The following SLC14A2 variants were observed in gnomAD, a reference collection of about 807,000 sequenced individuals.
SLC14A2 encodes urea transporter 2.
Under a neutral mutation model 104.6 loss-of-function variants are expected in SLC14A2, and 91 were observed. That is an observed-to-expected ratio of 0.87 (90% CI 0.73 to 1.04). SLC14A2 has a LOEUF of 1.04. Among genes scored for constraint, SLC14A2 ranks in the 50% least tolerant of loss-of-function variants. The pLI, the probability that SLC14A2 is intolerant of heterozygous loss-of-function variation, is 0.00. For synonymous variants in SLC14A2, 476 were observed against 466.4 expected (o/e 1.02, Z -0.27); for missense variants, 1,189 against 1,156.0 (o/e 1.03, Z -0.41).
At chr18:45,330,040 A>G (rs2085273490) in intron 1 of SLC14A2, among the ~76,000 whole-genome samples, 1 of 152,248 alleles carries the variant, frequency 6.6e-6, no homozygotes, top group East Asian at 1.9e-4. Flanking sequence ...AGAAAATAAT[A>G]TCTCGTTCTA....
chr18:45,383,916 T>C (rs750957897), intron 1 of SLC14A2, among the ~76,000 whole-genome samples: 5 of 151,702 alleles, frequency 3.3e-5, no homozygotes, highest in Non-Finnish European at 7.4e-5. Flanking sequence ...TGATGTGAGG[T>C]GAGAAGGATG....
chr18:45,402,891 G>A (rs920675106), intron 1 of SLC14A2, among the ~76,000 whole-genome samples: 10 of 152,170 alleles, frequency 6.6e-5, no homozygotes, highest in Non-Finnish European at 8.8e-5. Context: ...CTAAAGCTTC[G>A]TCATGCCTGT....
chr18:45,200,178 A>G, the SLC14A2 span, among the ~76,000 whole-genome samples: 35 of 152,248 alleles, frequency 2.3e-4, no homozygotes, highest in African/African-American at 8.2e-4. Flanking sequence ...AAGATTATAC[A>G]TGAACTTTTC....
chr18:45,176,938 C>T, the SLC14A2 span, among the ~76,000 whole-genome samples: 1 of 152,182 alleles, frequency 6.6e-6, no homozygotes, highest in Non-Finnish European at 1.5e-5. Context: ...ATTTTAACTG[C>T]CTTTTGACAT....
intron 2 of SLC14A2, among the ~76,000 whole-genome samples, chr18:45,549,229 C>A (rs148254967): frequency 1.8e-4 from 27 of 152,368 alleles, no homozygotes; most frequent in African/African-American, 5.8e-4. Context: ...TCCATCAATG[C>A]TCTGCCTTCG....
At chr18:45,198,952 C>T in the SLC14A2 span, among the ~76,000 whole-genome samples, 1 of 152,020 alleles carries the variant, frequency 6.6e-6, no homozygotes, top group East Asian at 1.9e-4. Context: ...TTCTTGATTC[C>T]CACTTCTTCT....
At chr18:45,264,702 C>T (rs1245744362) in intron 1 of SLC14A2, among the ~76,000 whole-genome samples, 1 of 152,112 alleles carries the variant, frequency 6.6e-6, no homozygotes, top group African/African-American at 2.4e-5. Context: ...GAGACTTATT[C>T]ACTACACGAG....
intron 2 of SLC14A2, among the ~76,000 whole-genome samples, chr18:45,510,127 G>A (rs189153984): frequency 1.3e-5 from 2 of 152,232 alleles, no homozygotes; most frequent in Admixed American, 1.3e-4. Context: ...TTGAGCCTCC[G>A]AGTTCTTATC....
At chr18:45,345,806 A>C (rs1264628113) in intron 1 of SLC14A2, among the ~76,000 whole-genome samples, 3 of 152,206 alleles carry the variant, frequency 2.0e-5, no homozygotes, top group Non-Finnish European at 2.9e-5. Context: ...ACTCCCTGTG[A>C]GTTTTAATCC....
At chr18:45,491,114 T>G (rs970937618) in intron 2 of SLC14A2, among the ~76,000 whole-genome samples, 12 of 152,222 alleles carry the variant, frequency 7.9e-5, no homozygotes, top group Non-Finnish European at 1.6e-4. Context: ...ATATAATCCC[T>G]AGAAAAACTC....
intron 2 of SLC14A2, among the ~76,000 whole-genome samples, chr18:45,533,673 A>G (rs1477130902): frequency 6.6e-6 from 1 of 151,878 alleles, no homozygotes; most frequent in Non-Finnish European, 1.5e-5. Flanking sequence ...TGATTTTTTG[A>G]AGGGTTTTTT....
chr18:45,329,146 G>A (rs1372416432), intron 1 of SLC14A2, among the ~76,000 whole-genome samples: 6 of 152,286 alleles, frequency 3.9e-5, no homozygotes, highest in African/African-American at 4.8e-5. Context: ...ATTTTGTTAC[G>A]GTTATGGCTC....
intron 1 of SLC14A2, among the ~76,000 whole-genome samples, chr18:45,294,855 G>A (rs2084904351): frequency 6.6e-6 from 1 of 152,186 alleles, no homozygotes; most frequent in Non-Finnish European, 1.5e-5. Context: ...ACACATGGCA[G>A]TATCTGTGAA....
At chr18:45,173,401 C>T in the SLC14A2 span, among the ~76,000 whole-genome samples, 1 of 151,756 alleles carries the variant, frequency 6.6e-6, no homozygotes, top group African/African-American at 2.4e-5. Flanking sequence ...CACGGTTTTC[C>T]TTTCATCATC....
intron 1 of SLC14A2, among the ~76,000 whole-genome samples, chr18:45,259,945 G>T (rs541422827): frequency 2.0e-5 from 3 of 152,288 alleles, no homozygotes; most frequent in African/African-American, 7.2e-5. Context: ...TGTCTTCTCA[G>T]ATATGGTGCT....
intron 1 of SLC14A2, among the ~76,000 whole-genome samples, chr18:45,360,406 C>T (rs1250280078): frequency 6.6e-6 from 1 of 152,230 alleles, no homozygotes; most frequent in African/African-American, 2.4e-5. Context: ...TGAATAACTA[C>T]TCATTTAATT....
rs561197853 is a variant in SLC14A2 at position 45,406,146 on chromosome 18, G to A, written c.-124-77087G>A. Among the ~76,000 whole-genome samples the A allele has an allele frequency of 4.1e-4, 62 of 152,196 alleles. 1 individual carries two copies. The East Asian group carries it at 6.2e-3, about 15-fold the overall frequency. On this transcript the variant is annotated intron_variant, in intron 1 of 20. Transcript: ENST00000586448. ...CACAGTAGAACTTCTTTCAAAATTG[G>A]AGCCAATTCTCTAAAACCCTGCCAC... is the stretch of plus-strand genomic sequence containing the variant.
chr18:45,645,619 A>ATATATATATATT, intron 10 of SLC14A2, among the ~76,000 whole-genome samples: 1 of 117,030 alleles, frequency 8.5e-6, no homozygotes. Flanking sequence ...TTAAATATAT[A>ATATATATATATT]TATACATATA....
intron 1 of SLC14A2, among the ~76,000 whole-genome samples, chr18:45,249,381 G>A (rs1466532681): frequency 6.6e-6 from 1 of 151,428 alleles, no homozygotes; most frequent in African/African-American, 2.4e-5. Flanking sequence ...GCGTTGAGCA[G>A]CTGCTCTGGG....
Sources: gnomAD v4.1 joint callset for allele counts (sites outside exome capture counted in the v4.1 genomes callset) on GRCh38, gnomAD v4.1.1 for gene constraint, MANE v1.5 for transcripts, NCBI Gene and HGNC (gene_info 2026-07-23, HGNC 2026-07-21) for gene names.